Variants in AARS1 observed in about 807,000 individuals in gnomAD.
AARS1 encodes alanyl-tRNA synthetase 1.
In AARS1, 72 loss-of-function variants were observed where a neutral mutation model predicts 108.9. The observed-to-expected ratio is 0.66, with a 90% CI of 0.55 to 0.80. AARS1 has a LOEUF of 0.80. AARS1 is among the 30% of genes least tolerant of loss of function. The pLI, the probability that AARS1 is intolerant of heterozygous loss-of-function variation, is 0.00. For missense variants in AARS1, 1,193 were observed against 1,233.2 expected (o/e 0.97, Z 0.49); for synonymous variants, 489 against 465.7 (o/e 1.05, Z -0.64).
chr16:70,275,419 T>C (rs544112837), intron 4 of AARS1, among the ~76,000 whole-genome samples: 158 of 146,496 alleles, frequency 1.1e-3, no homozygotes, highest in Admixed American at 5.5e-3. Context: ...ATCGAGATCA[T>C]CCTGGCTAAC....
In AARS1 at chr16:70,262,692, G is replaced by A. The variant is rs111864362; in HGVS notation, c.1493-168C>T. On this transcript the variant is annotated intron_variant, in intron 11 of 20. Coordinates refer to ENST00000261772, the MANE Select transcript of AARS1 (RefSeq NM_001605.3). ...GACAATATGAAAGGGCTTCGCGGCC[G>A]GGCGCGGTGGCTCCCCCTATAATCC... Among the ~76,000 whole-genome samples the A allele has an allele frequency of 0.015, 2,333 of 151,510 alleles. 52 individuals are homozygous for A. Among genetic ancestry groups the A allele is most frequent in the African/African-American group, 0.053 (2,174 of 41,284 alleles).
In AARS1 at chr16:70,265,554, T is replaced by C; in HGVS notation, c.1331A>G (p.Glu444Gly). The part of the protein sequence containing the change: ...LVVDMDGFEE[E>G]RKLAQLKSQG... The stretch of plus-strand genomic sequence containing the variant: ...GTTCTTTACCTGGGCCAGTTTCCTC[T>C]CCTCTTCAAAGCCATCCATGTCTAC... Residue 444 changes from glutamate to glycine, a missense_variant, in exon 10 of 21, where the codon GAG becomes GGG. Physicochemically the swap from Glu to Gly is moderately conservative, Grantham distance 98. Transcript: ENST00000261772. 1 of 1,613,956 alleles carries C rather than the reference T, an allele frequency of 6.2e-7. No homozygotes were observed. The highest frequency in any genetic ancestry group is 8.5e-7 in the Non-Finnish European group (1 of 1,179,904).
intron 11 of AARS1, 124 bp downstream of exon 11, chr16:70,264,834 T>C (rs1441301414): frequency 8.2e-7 from 1 of 1,215,804 alleles, no homozygotes; most frequent in Non-Finnish European, 1.2e-6. Flanking sequence ...ATAGCGTGAC[T>C]GTACGGCACT....
At position 70,273,284 on chromosome 16, in the gene AARS1, C is replaced by T. The variant is rs113207374; in HGVS notation, c.480-1312G>A. ...ACATCATGGACAGCCCAGCTGTCTA[C>T]AGAGGGCACACACCCCATGTTCAGA... is the stretch of plus-strand genomic sequence containing the variant. On this transcript the variant is annotated intron_variant, in intron 4 of 20. Transcript: ENST00000261772. 8.5e-3 allele frequency among the ~76,000 whole-genome samples: 1,295 copies of T among 152,302 alleles called. 11 individuals carry two copies. The highest frequency in any genetic ancestry group is 0.024 in the Middle Eastern group (7 of 294).
chr16:70,276,781 T>G (rs528526900), intron 3 of AARS1, 150 bp from the exon 4 acceptor site: 2 of 1,175,648 alleles, frequency 1.7e-6, no homozygotes, highest in South Asian at 2.6e-5. Flanking sequence ...AATCCAAATA[T>G]ATACTGAAAT....
intron 7 of AARS1, among the ~76,000 whole-genome samples, chr16:70,269,095 G>A (rs565720519): frequency 1.9e-4 from 29 of 150,882 alleles, no homozygotes; most frequent in African/African-American, 4.6e-4. Context: ...AGGCCGAGGC[G>A]GGCGGATCAC....
rs371614054 is a variant in AARS1, at chr16:70,285,815, C to T, written c.-21-3031G>A. On this transcript the variant is annotated intron_variant, in intron 1 of 20. Coordinates refer to ENST00000261772, the MANE Select transcript of AARS1 (RefSeq NM_001605.3). ...CACGCTGGTCTCGAACTCCTGGCCTCAATCTCCCAAGGTGTTGGGATGGCA... is the reference window on the plus strand; with the variant it reads ...CACGCTGGTCTCGAACTCCTGGCCTTAATCTCCCAAGGTGTTGGGATGGCA... Among the ~76,000 whole-genome samples the T allele has an allele frequency of 1.1e-4, 17 of 152,310 alleles. No individual in the cohort carries two copies. The South Asian group carries it at 3.5e-3, about 32-fold the overall frequency.
Position 70,252,757 on chromosome 16 carries a change from G to T in AARS1, c.2871C>A (p.Ser957=), listed in dbSNP as rs375581174. 6.2e-7 allele frequency: 1 copy of T among 1,614,196 alleles called. No homozygotes were observed. Among genetic ancestry groups the T allele is most frequent in the Admixed American group, 1.7e-5 (1 of 60,030 alleles). The change falls in exon 21 of 21, where the codon TCC becomes TCA. Residue 957 remains serine, a synonymous_variant. Coordinates refer to ENST00000261772, the MANE Select transcript of AARS1 (RefSeq NM_001605.3). ...CATCCCCGAGGCGCAGCTGGGCGAAGGAAGTGGCCAGCTGCAGCGCCTCCT... is the reference window on the plus strand; with the variant it reads ...CATCCCCGAGGCGCAGCTGGGCGAATGAAGTGGCCAGCTGCAGCGCCTCCT... ...CLQEALQLAT[S]FAQLRLGDVK...
In AARS1 at chr16:70,269,507, C is replaced by G. The variant is rs1960346376; in HGVS notation, c.962+111G>C. The G allele has an allele frequency of 2.7e-6, 4 of 1,497,480 alleles. No homozygotes were observed. In the East Asian group the frequency reaches 9.6e-5, roughly 36 times the overall value. The allele number at this position is 1,497,480 out of a possible 1,614,324, so 92.8% of individuals were successfully genotyped here. ...CAAGATCACGCCATTGTACTCCAGC[C>G]TGGGCAACAGAGCAACACTCAATCT... On this transcript the variant is annotated intron_variant, in intron 7 of 20. Transcript: ENST00000261772.
Position 70,268,302 on chromosome 16 carries a change from GCA to G in AARS1, c.1038_1039del (p.Ala347TyrfsTer16). The G allele has an allele frequency of 6.2e-7, 1 of 1,614,178 alleles. No individual in the cohort carries two copies. Among genetic ancestry groups the G allele is most frequent in the Admixed American group, 1.7e-5 (1 of 60,018 alleles). On this transcript the variant is annotated frameshift_variant, in exon 8 of 21. Transcript: ENST00000261772. LOFTEE classifies it high-confidence loss of function. ...CTGGACGACAACATCCACTAACGTAGCAAAGAAGCCCCTGCTGGCATTGAGCT... is the reference window on the plus strand; with the variant it reads ...CTGGACGACAACATCCACTAACGTAGAAGAAGCCCCTGCTGGCATTGAGCT...
Position 70,265,529 on chromosome 16 carries a change from G to C in AARS1, c.1347+9C>G, listed in dbSNP as rs1960241737. On this transcript the variant is annotated intron_variant, in intron 10 of 20. Coordinates refer to ENST00000261772, the MANE Select transcript of AARS1 (RefSeq NM_001605.3). ...GTTGGGTTTCCTGTTCACTCTCCAA[G>C]TTCTTTACCTGGGCCAGTTTCCTCT... The C allele has an allele frequency of 6.2e-7, 1 of 1,613,612 alleles. No individual in the cohort carries two copies. The highest frequency in any genetic ancestry group is 1.3e-5 in the African/African-American group (1 of 74,886).
intron 9 of AARS1, among the ~76,000 whole-genome samples, chr16:70,266,163 A>C (rs1240255234): frequency 6.6e-6 from 1 of 152,030 alleles, no homozygotes; most frequent in African/African-American, 2.4e-5. Flanking sequence ...AATACAAAAA[A>C]ATTAGCCGGG....
At chr16:70,277,241 C>G (rs1248501862) in intron 2 of AARS1, 87 bp from the exon 3 acceptor site, 3 of 1,325,310 alleles carry the variant, frequency 2.3e-6, no homozygotes, top group African/African-American at 2.9e-5. Context: ...CGACCACACA[C>G]TAACTGTGCA....
Position 70,253,499 on chromosome 16 carries a change from G to A in AARS1, c.2608-118C>T, listed in dbSNP as rs113242213. 23 of 1,070,678 alleles carry A rather than the reference G, an allele frequency of 2.1e-5. No homozygotes were observed. In the African/African-American group the frequency reaches 2.3e-4, roughly 11 times the overall value. The allele number at this position is 1,070,678 out of a possible 1,614,324, so 66.3% of individuals were successfully genotyped here. A position where few individuals can be genotyped will look rare whatever the true frequency, so the allele number is the denominator to read the frequency against. On this transcript the variant is annotated intron_variant, in intron 19 of 20. Coordinates refer to ENST00000261772, the MANE Select transcript of AARS1 (RefSeq NM_001605.3). ...CCTACCCCTTCCCAGAGCAGGGGCTGTGCCCAGGGCCTGTGGGGAGGACCC... is the reference window on the plus strand; with the variant it reads ...CCTACCCCTTCCCAGAGCAGGGGCTATGCCCAGGGCCTGTGGGGAGGACCC...
intron 4 of AARS1, among the ~76,000 whole-genome samples, chr16:70,272,344 A>G (rs1010491740): frequency 2.6e-5 from 4 of 151,438 alleles, no homozygotes; most frequent in Non-Finnish European, 5.9e-5. Flanking sequence ...GTCTCTACTA[A>G]AAATACAAAA....
chr16:70,263,974 G>A lies in AARS1; in HGVS notation c.1492+984C>T, dbSNP rs543504169. 2.7e-4 allele frequency among the ~76,000 whole-genome samples: 41 copies of A among 152,156 alleles called. 1 individual carries two copies. In the South Asian group the frequency reaches 7.5e-3, roughly 28 times the overall value. ...TTAGAATACTATTATCCGGTCGGGC[G>A]AGATGGCTTACGCCTGTAATCCCAG... On this transcript the variant is annotated intron_variant, in intron 11 of 20. Transcript: ENST00000261772.
At chr16:70,269,405 T>G (rs1960344188) in intron 7 of AARS1, among the ~76,000 whole-genome samples, 1 of 136,586 alleles carries the variant, frequency 7.3e-6, no homozygotes. Flanking sequence ...GGCGTGGTGG[T>G]GTGCACCTAT....
At chr16:70,260,634 C>G (rs1319643706) in intron 13 of AARS1, among the ~76,000 whole-genome samples, 4 of 148,078 alleles carry the variant, frequency 2.7e-5, no homozygotes, top group Admixed American at 6.6e-5. Context: ...CCCCTGCGGT[C>G]TACTTACACT....
At chr16:70,283,506 T>C (rs962060934) in intron 1 of AARS1, among the ~76,000 whole-genome samples, 4 of 151,822 alleles carry the variant, frequency 2.6e-5, no homozygotes, top group Non-Finnish European at 5.9e-5. Context: ...GGGTTTGAGT[T>C]CTAGCTTCAA....
Sources: gnomAD v4.1 joint callset for allele counts (sites outside exome capture counted in the v4.1 genomes callset) on GRCh38, gnomAD v4.1.1 for gene constraint, MANE v1.5 for transcripts, NCBI Gene and HGNC (gene_info 2026-07-23, HGNC 2026-07-21) for gene names.